Variants in SRGAP3 observed in about 807,000 individuals in gnomAD.
SRGAP3 encodes the protein SLIT-ROBO Rho GTPase-activating protein 3.
SRGAP3 carries 39 observed loss-of-function variants against 121.1 expected under a neutral mutation model. The observed-to-expected ratio is 0.32, with a 90% CI of 0.25 to 0.42. The LOEUF is 0.42. Ranked by LOEUF, SRGAP3 falls within the 10% of genes least tolerant of loss-of-function variation. The probability of loss-of-function intolerance (pLI) is 1.00; values close to 1 mark genes in which losing one functional copy is unlikely to be tolerated. For missense variants in SRGAP3, 1,213 were observed against 1,470.6 expected (o/e 0.82, Z 2.86); for synonymous variants, 601 against 570.0 (o/e 1.05, Z -0.77).
At chr3:9,297,512 A>G (rs12639228) in intron 3 of SRGAP3, among the ~76,000 whole-genome samples, 31,739 of 151,940 alleles carry the variant, frequency 0.21, 3,539 homozygotes, top group African/African-American at 0.28. Flanking sequence ...GAATGTGACT[A>G]AATTTGGAGA....
chr3:9,095,069 T>A (rs1005195546), intron 3 of SRGAP3, among the ~76,000 whole-genome samples: 1 of 152,084 alleles, frequency 6.6e-6, no homozygotes, highest in Admixed American at 6.6e-5. Flanking sequence ...TCCCAGACCA[T>A]ATCCGGCCTA....
chr3:9,342,470 C>T (rs2125290635), intron 1 of SRGAP3, among the ~76,000 whole-genome samples: 1 of 152,306 alleles, frequency 6.6e-6, no homozygotes, highest in African/African-American at 2.4e-5. Context: ...TAGCCTGCAC[C>T]TTGCCAAGTG....
At chr3:9,067,515 A>G (rs1432124211) in intron 4 of SRGAP3, among the ~76,000 whole-genome samples, 5 of 152,006 alleles carry the variant, frequency 3.3e-5, no homozygotes, top group Admixed American at 1.3e-4. Flanking sequence ...ATGGACCAGA[A>G]TATGTGCCAT....
At position 9,077,778 on chromosome 3, in the gene SRGAP3, A is replaced by G. The variant is rs933704583; in HGVS notation, c.486+2247T>C. Among the ~76,000 whole-genome samples the G allele has an allele frequency of 4.6e-5, 7 of 152,360 alleles. No homozygotes were observed. In the East Asian group the frequency reaches 1.4e-3, roughly 29 times the overall value. ...GGCACTGGGACCTTGAAGGACACAG[A>G]GAGATGCCACTGTCCTCCTGATCTC... On this transcript the variant is annotated intron_variant, in intron 4 of 21. Transcript: ENST00000383836.
At chr3:9,193,885 C>G (rs1951839275) in intron 1 of SRGAP3, 2 of 152,360 alleles carry the variant, frequency 1.3e-5, no homozygotes. Flanking sequence ...AACAGCAGCG[C>G]AGAGGCTGCA....
At chr3:9,154,521 A>C (rs1950336288) in intron 1 of SRGAP3, among the ~76,000 whole-genome samples, 2 of 147,412 alleles carry the variant, frequency 1.4e-5, no homozygotes, top group African/African-American at 2.5e-5. Context: ...GCCCCACCCC[A>C]CTCCTCTCCA....
chr3:9,104,975 A>G, intron 2 of SRGAP3, 133 bp from the exon 3 acceptor site: 2 of 1,097,430 alleles, frequency 1.8e-6, no homozygotes, highest in Non-Finnish European at 2.7e-6. Flanking sequence ...TACACCTTAT[A>G]CAGTTGGGGA....
rs1285434616 is a variant in SRGAP3, at chr3:9,033,395, C to T, written c.1437-643G>A. On this transcript the variant is annotated intron_variant, in intron 11 of 21. Transcript: ENST00000383836. ...TAATGGTAATATCCTGCTCTTTAGT[C>T]AAGTACACTTTCTTTTCTTTCTTTT... is the stretch of plus-strand genomic sequence containing the variant. 2.0e-5 allele frequency: 3 copies of T among 151,910 alleles called. No individual in the cohort carries two copies. In the South Asian group the frequency reaches 6.2e-4, roughly 32 times the overall value. 9.4% of individuals were successfully genotyped at this position (151,910 alleles called of 1,614,324 possible).
intron 12 of SRGAP3, chr3:9,028,240 G>T: frequency 7.0e-7 from 1 of 1,432,202 alleles, no homozygotes; most frequent in South Asian, 1.2e-5. Flanking sequence ...ACGCCGAAAT[G>T]CAATGGCAGC....
intron 1 of SRGAP3, among the ~76,000 whole-genome samples, chr3:9,133,561 C>T (rs1949537746): frequency 6.6e-6 from 1 of 152,184 alleles, no homozygotes; most frequent in African/African-American, 2.4e-5. Flanking sequence ...TTTTACAGCA[C>T]ACTAGAATTC....
At chr3:9,079,067 T>C (rs114628360) in intron 4 of SRGAP3, among the ~76,000 whole-genome samples, 1 of 152,202 alleles carries the variant, frequency 6.6e-6, no homozygotes, top group East Asian at 1.9e-4. Context: ...CACAGAAAGA[T>C]AATAAAACCA....
At chr3:9,208,181 C>T (rs1374262992) in intron 1 of SRGAP3, among the ~76,000 whole-genome samples, 1 of 151,960 alleles carries the variant, frequency 6.6e-6, no homozygotes, top group African/African-American at 2.4e-5. Context: ...CACCCTTTCC[C>T]AGACCCCCGA....
intron 2 of SRGAP3, among the ~76,000 whole-genome samples, chr3:9,121,826 T>C (rs1392251231): frequency 6.6e-6 from 1 of 152,186 alleles, no homozygotes; most frequent in East Asian, 1.9e-4. Context: ...CCCTACCACA[T>C]GGCCCTGTCT....
rs60795220 is a variant in SRGAP3 at position 9,273,335 on chromosome 3, C to G, written n.442+52675G>C. On this transcript the variant is annotated intron_variant and non_coding_transcript_variant, in intron 3 of 3. Transcript: ENST00000490889. ...CTTATTGTGGTTTTAATTTTCATTT[C>G]CCTATTAATTTGTGATGTTGAGCAT... is the stretch of plus-strand genomic sequence containing the variant. Among the ~76,000 whole-genome samples the G allele has an allele frequency of 4.4e-3, 671 of 152,226 alleles. 6 individuals are homozygous for G. The highest frequency in any genetic ancestry group is 0.015 in the African/African-American group (621 of 41,550).
At chr3:9,359,444 T>C (rs374783752) in intron 1 of SRGAP3, among the ~76,000 whole-genome samples, 1 of 152,228 alleles carries the variant, frequency 6.6e-6, no homozygotes, top group East Asian at 1.9e-4. Flanking sequence ...ACTTCATTGG[T>C]TGCTCATGAT....
rs35922221 is a variant in SRGAP3, at chr3:8,997,878, G to GTT, written c.2228-3357_2228-3356dup. Among the ~76,000 whole-genome samples, 252 of 148,668 alleles carry GTT rather than the reference G, an allele frequency of 1.7e-3. 1 individual carries two copies. The highest frequency in any genetic ancestry group is 5.0e-3 in the African/African-American group (204 of 40,432). ...CACTTCAGCATAAATATTCATAGAG[G>GTT]TTTTTTTTTTTCTTTTTCTTGAGAC... On this transcript the variant is annotated intron_variant, in intron 18 of 21. Coordinates refer to ENST00000383836, the MANE Select transcript of SRGAP3 (RefSeq NM_014850.4).
At chr3:9,350,391 G>T (rs888113765) in intron 1 of SRGAP3, among the ~76,000 whole-genome samples, 1 of 152,158 alleles carries the variant, frequency 6.6e-6, no homozygotes, top group African/African-American at 2.4e-5. Context: ...GATATGTATG[G>T]ACAGAAAAAG....
intron 3 of SRGAP3, among the ~76,000 whole-genome samples, chr3:9,260,020 C>T (rs924499513): frequency 2.6e-5 from 4 of 151,814 alleles, no homozygotes; most frequent in African/African-American, 7.3e-5. Context: ...CAGGGTGGGG[C>T]GTCGCCTTAC....
intron 3 of SRGAP3, among the ~76,000 whole-genome samples, chr3:9,265,471 C>T (rs374295119): frequency 7.9e-5 from 12 of 152,148 alleles, no homozygotes; most frequent in Admixed American, 5.9e-4. Context: ...TTGCAATCTA[C>T]TCATCTGACA....
Sources: allele counts gnomAD v4.1 joint callset (sites outside exome capture counted in the v4.1 genomes callset), GRCh38; gene constraint gnomAD v4.1.1; transcripts MANE v1.5; gene names NCBI Gene and HGNC (gene_info 2026-07-23, HGNC 2026-07-21).